Variants in GPLD1 observed in about 807,000 individuals in gnomAD.
GPLD1 encodes the protein phosphatidylinositol-glycan-specific phospholipase D.
In GPLD1, 84 loss-of-function variants were observed where a neutral mutation model predicts 112.6. The ratio of observed to expected loss-of-function variants is 0.75; its 90% CI spans 0.63 to 0.89. The LOEUF is 0.89. Among genes scored for constraint, GPLD1 ranks in the 40% least tolerant of loss-of-function variants. The pLI, the probability that GPLD1 is intolerant of heterozygous loss-of-function variation, is 0.00. For missense variants in GPLD1, 1,044 were observed against 1,051.5 expected, an observed-to-expected ratio of 0.99 and a Z score of 0.10; for synonymous variants, 386 against 403.8, an observed-to-expected ratio of 0.96 and a Z score of 0.53.
At chr6:24,439,286 C>T (rs1015333348) in intron 20 of GPLD1, among the ~76,000 whole-genome samples, 1 of 151,520 alleles carries the variant, frequency 6.6e-6, no homozygotes, top group African/African-American at 2.4e-5. Flanking sequence ...AGAGAAGTCA[C>T]CCCAAGGTCT....
exon 1 of GPLD1, chr6:24,495,021 A>C (rs1390389121): frequency 6.7e-6 from 9 of 1,335,088 alleles, no homozygotes; most frequent in African/African-American, 1.5e-5. Flanking sequence ...TTGGCTGCGG[A>C]GCTGTGGGGC....
In GPLD1 at chr6:24,489,498, C is replaced by T. The variant is rs1561862497; in HGVS notation, c.14G>A (p.Arg5Lys). The T allele has an allele frequency of 4.3e-6, 7 of 1,614,068 alleles. No individual in the cohort carries two copies. The highest frequency in any genetic ancestry group is 5.1e-6 in the Non-Finnish European group (6 of 1,179,934). MSAF[R>K]LWPGLLIMLG... ...CATGATCAGCAGGCCAGGCCACAAC[C>T]TGAAAGCAGACATGATCTCATTGCC... The change falls in exon 1 of 25, where the codon AGG becomes AAG. Residue 5 changes from arginine to lysine, a missense_variant. Coordinates refer to ENST00000230036, the MANE Select transcript of GPLD1 (RefSeq NM_001503.4).
chr6:24,460,236 A>C, intron 12 of GPLD1, 43 bp downstream of exon 12: 1 of 1,609,962 alleles, frequency 6.2e-7, no homozygotes, highest in Non-Finnish European at 8.5e-7. Flanking sequence ...GTATCTCAAG[A>C]AGCAGCATTC....
At position 24,449,772 on chromosome 6, in the gene GPLD1, T is replaced by C. The variant is rs1236871215; in HGVS notation, c.1446+17A>G. 1 of 1,563,712 alleles carries C rather than the reference T, an allele frequency of 6.4e-7. No individual in the cohort carries two copies. The highest frequency in any genetic ancestry group is 8.8e-7 in the Non-Finnish European group (1 of 1,137,062). ...GCCACCCCATTCTCCTCCAACCCTA[T>C]CCAGCAGCAGCCTTACTTTGTAGGT... On this transcript the variant is annotated intron_variant, in intron 15 of 24. Transcript: ENST00000230036.
At chr6:24,443,362 T>C (rs1343001713) in intron 20 of GPLD1, among the ~76,000 whole-genome samples, 1 of 151,974 alleles carries the variant, frequency 6.6e-6, no homozygotes, top group Non-Finnish European at 1.5e-5. Context: ...TGATCACAGG[T>C]TCATATTATT....
At chr6:24,483,498 G>A (rs1402649671) in intron 2 of GPLD1, among the ~76,000 whole-genome samples, 5 of 151,346 alleles carry the variant, frequency 3.3e-5, no homozygotes, top group Non-Finnish European at 7.4e-5. Context: ...GGGAAACATG[G>A]TGAAACTGCG....
intron 22 of GPLD1, chr6:24,433,615 C>G: frequency 2.3e-6 from 1 of 433,664 alleles, no homozygotes. Flanking sequence ...GCTTCAGCCT[C>G]GTGAGTTGAT....
chr6:24,430,771 C>T (rs1263250412), intron 24 of GPLD1, among the ~76,000 whole-genome samples: 1 of 152,162 alleles, frequency 6.6e-6, no homozygotes, highest in Non-Finnish European at 1.5e-5. Flanking sequence ...ATTTTTGAAA[C>T]ATAACATCTG....
intron 24 of GPLD1, among the ~76,000 whole-genome samples, chr6:24,432,245 C>CT (rs1279353337): frequency 2.8e-4 from 17 of 61,158 alleles, no homozygotes; most frequent in African/African-American, 8.4e-4. Context: ...CAGACTCTGT[C>CT]TTAAAAAAAA....
In GPLD1 at chr6:24,433,233, C is replaced by A. The variant is rs752115357; in HGVS notation, c.2390G>T (p.Ser797Ile). Reference protein sequence around the residue: ...AQYVLISPEASSRFGSSLITV... With the variant: ...AQYVLISPEAISRFGSSLITV... Reference sequence around the variant, plus strand: ...GATGAGGGAGCTCCCAAACCTTGAGCTGGCCTGTAAAACATGCCGTCTGTT... The same window carrying A: ...GATGAGGGAGCTCCCAAACCTTGAGATGGCCTGTAAAACATGCCGTCTGTT... Residue 797 changes from serine to isoleucine, a missense_variant, in exon 24 of 25, where the codon AGC becomes ATC. Physicochemically the swap from Ser to Ile is moderately radical, Grantham distance 142 (BLOSUM62 -2). Transcript: ENST00000230036. The A allele has an allele frequency of 1.8e-5, 29 of 1,612,868 alleles. No individual in the cohort carries two copies. In the South Asian group the frequency reaches 2.1e-4, roughly 12 times the overall value.
rs1046369852 is a variant in GPLD1, at chr6:24,426,842, C to T, written c.*2190G>A. 3.9e-5 allele frequency among the ~76,000 whole-genome samples: 6 copies of T among 152,180 alleles called. No homozygotes were observed. The highest frequency in any genetic ancestry group is 1.3e-4 in the Admixed American group (2 of 15,282). On this transcript the variant is annotated 3_prime_UTR_variant, in exon 25 of 25. Coordinates refer to ENST00000230036, the MANE Select transcript of GPLD1 (RefSeq NM_001503.4). ...ATTGTCCCTAAACAAAACCAAATGGCGCTTCCTTGTGCTTTTGCTGTGCCA... is the reference window on the plus strand; with the variant it reads ...ATTGTCCCTAAACAAAACCAAATGGTGCTTCCTTGTGCTTTTGCTGTGCCA...
chr6:24,480,345 T>C, intron 2 of GPLD1, among the ~76,000 whole-genome samples: 1 of 152,186 alleles, frequency 6.6e-6, no homozygotes, highest in East Asian at 1.9e-4. Context: ...GTTTGTGTTT[T>C]GAGATGGAGT....
chr6:24,483,435 T>C (rs548952711), intron 2 of GPLD1, among the ~76,000 whole-genome samples: 8 of 151,622 alleles, frequency 5.3e-5, no homozygotes, highest in Non-Finnish European at 8.8e-5. Flanking sequence ...TCCCAGCACG[T>C]TGGGAGGCTG....
intron 5 of GPLD1, among the ~76,000 whole-genome samples, chr6:24,474,528 CA>C (rs1763943740): frequency 2.6e-5 from 4 of 152,150 alleles, no homozygotes; most frequent in African/African-American, 9.7e-5. Flanking sequence ...TTGAATAAAG[CA>C]TAAGATTTAT....
intron 2 of GPLD1, 70 bp from the exon 3 acceptor site, chr6:24,480,029 T>C (rs1471784979): frequency 1.1e-6 from 1 of 886,576 alleles, no homozygotes; most frequent in African/African-American, 1.6e-5. Flanking sequence ...GCCCCACCAA[T>C]TTTCTGTGAT....
rs759387637 is a variant in GPLD1, at chr6:24,436,726, G to C, written c.2208C>G (p.Ile736Met). Residue 736 changes from isoleucine to methionine, a missense_variant, in exon 22 of 25, where the codon ATC (isoleucine) becomes ATG (methionine). Transcript: ENST00000230036. Reference protein sequence around the residue: ...DLDDDGLDEIIMAAPLRIADV... With the variant: ...DLDDDGLDEIMMAAPLRIADV... ...CTGCTATCCTCAGGGGGGCTGCCAT[G>C]ATGATTTCATCTGAAAACAATAAAA... 1 of 1,613,016 alleles carries C rather than the reference G, an allele frequency of 6.2e-7. No individual in the cohort carries two copies. The highest frequency in any genetic ancestry group is 8.5e-7 in the Non-Finnish European group (1 of 1,179,770).
chr6:24,481,742 C>A (rs780462095), intron 2 of GPLD1, among the ~76,000 whole-genome samples: 3 of 152,156 alleles, frequency 2.0e-5, no homozygotes, highest in East Asian at 1.9e-4. Flanking sequence ...GCATTCCCCA[C>A]GTGGAGAGAT....
intron 14 of GPLD1, among the ~76,000 whole-genome samples, chr6:24,452,224 T>A (rs573076902): frequency 6.6e-6 from 1 of 152,320 alleles, no homozygotes; most frequent in Admixed American, 6.5e-5. Flanking sequence ...TTATTCCCTG[T>A]CTATATGTGC....
intron 24 of GPLD1, among the ~76,000 whole-genome samples, chr6:24,432,966 C>T (rs77816447): frequency 0.12 from 17,577 of 152,200 alleles, 1,337 homozygotes; most frequent in East Asian, 0.15. Flanking sequence ...AGGTGGCAGA[C>T]GACTTGGCCC....
Sources: allele counts gnomAD v4.1 joint callset (sites outside exome capture counted in the v4.1 genomes callset), GRCh38; gene constraint gnomAD v4.1.1; transcripts MANE v1.5; gene names NCBI Gene and HGNC (gene_info 2026-07-23, HGNC 2026-07-21).